The following NAALADL2 variants were observed in gnomAD, a reference collection of about 807,000 sequenced individuals.
The protein encoded by NAALADL2 is N-acetylated alpha-linked acidic dipeptidase like 2.
Under a neutral mutation model 87.2 loss-of-function variants are expected in NAALADL2, and 76 were observed. The observed-to-expected ratio is 0.87, with a 90% CI of 0.72 to 1.05. The LOEUF is 1.05. Ranked by LOEUF, NAALADL2 falls within the 50% of genes least tolerant of loss-of-function variation. The pLI is 0.00. For missense variants in NAALADL2, 1,089 were observed against 945.8 expected (o/e 1.15, Z -1.99); for synonymous variants, 354 against 331.0 (o/e 1.07, Z -0.75).
chr3:174,609,983 A>G lies in NAALADL2; in HGVS notation c.-115+59346A>G, dbSNP rs955977059. Among the ~76,000 whole-genome samples the G allele has an allele frequency of 2.0e-5, 3 of 152,174 alleles. No individual in the cohort carries two copies. The East Asian group carries it at 5.8e-4, about 29-fold the overall frequency. ...AAAGAGAGATATAGATCAATGGAACAGAACAGAGCCCTCAGAAATAATGCC... is the reference window on the plus strand; with the variant it reads ...AAAGAGAGATATAGATCAATGGAACGGAACAGAGCCCTCAGAAATAATGCC... On this transcript the variant is annotated intron_variant, in intron 2 of 3. Transcript: ENST00000434257.
intron 2 of NAALADL2, among the ~76,000 whole-genome samples, chr3:175,217,177 T>C (rs1046205130): frequency 6.6e-6 from 1 of 152,210 alleles, no homozygotes; most frequent in Non-Finnish European, 1.5e-5. Flanking sequence ...TTTTTGGTTA[T>C]GTATGCAATG....
At chr3:175,356,764 G>A (rs946418190) in intron 5 of NAALADL2, among the ~76,000 whole-genome samples, 2 of 152,014 alleles carry the variant, frequency 1.3e-5, no homozygotes, top group Non-Finnish European at 2.9e-5. Flanking sequence ...ACATGAGAAA[G>A]AATTTGAAGC....
chr3:174,721,258 G>A (rs181919165), intron 2 of NAALADL2, among the ~76,000 whole-genome samples: 14 of 152,186 alleles, frequency 9.2e-5, no homozygotes, highest in African/African-American at 1.4e-4. Flanking sequence ...ATTTTTAAGA[G>A]GTGATAAAAA....
At chr3:174,499,763 C>A (rs1442785258) in intron 1 of NAALADL2, among the ~76,000 whole-genome samples, 1 of 151,882 alleles carries the variant, frequency 6.6e-6, no homozygotes, top group Non-Finnish European at 1.5e-5. Context: ...TGGAATCTCT[C>A]TTTTGTTACA....
chr3:175,743,406 G>C (rs1015597205), intron 12 of NAALADL2, among the ~76,000 whole-genome samples: 8 of 152,200 alleles, frequency 5.3e-5, no homozygotes, highest in Non-Finnish European at 1.0e-4. Context: ...CATATTTTGG[G>C]ATAGGGTGTC....
chr3:174,701,554 G>A (rs963631032), intron 2 of NAALADL2, among the ~76,000 whole-genome samples: 2 of 152,106 alleles, frequency 1.3e-5, no homozygotes, highest in Admixed American at 6.6e-5. Flanking sequence ...AATGTAATGA[G>A]ATATTCATTA....
intron 5 of NAALADL2, among the ~76,000 whole-genome samples, chr3:175,391,324 T>G (rs1424673915): frequency 6.6e-6 from 1 of 152,190 alleles, no homozygotes; most frequent in Admixed American, 6.5e-5. Flanking sequence ...TCCTTTCTAA[T>G]TAGAATACAT....
chr3:175,138,608 T>C (rs993809065), intron 2 of NAALADL2, among the ~76,000 whole-genome samples: 9 of 147,686 alleles, frequency 6.1e-5, no homozygotes, highest in Admixed American at 4.7e-4. Context: ...AGAGTATTTA[T>C]TATTATTATT....
At chr3:174,957,614 T>G (rs2108539378) in intron 1 of NAALADL2, among the ~76,000 whole-genome samples, 1 of 152,098 alleles carries the variant, frequency 6.6e-6, no homozygotes, top group East Asian at 1.9e-4. Context: ...TTTTTTTTTT[T>G]GTAGTTGTTG....
intron 1 of NAALADL2, among the ~76,000 whole-genome samples, chr3:175,073,409 A>G (rs11916713): frequency 0.15 from 22,214 of 151,872 alleles, 2,037 homozygotes; most frequent in African/African-American, 0.25. Flanking sequence ...TTTCTCTTCT[A>G]AATCATCATC....
intron 3 of NAALADL2, among the ~76,000 whole-genome samples, chr3:174,804,860 T>C (rs1719275619): frequency 6.6e-6 from 1 of 152,182 alleles, no homozygotes; most frequent in South Asian, 2.1e-4. Context: ...TATTTATTAG[T>C]AAAATTAAAC....
At chr3:175,733,665 A>T (rs1744097602) in intron 11 of NAALADL2, among the ~76,000 whole-genome samples, 1 of 152,194 alleles carries the variant, frequency 6.6e-6, no homozygotes, top group Non-Finnish European at 1.5e-5. Context: ...CATTAACTCA[A>T]AAGTCCACAG....
At chr3:175,156,043 C>T (rs1732267187) in intron 2 of NAALADL2, among the ~76,000 whole-genome samples, 1 of 152,120 alleles carries the variant, frequency 6.6e-6, no homozygotes, top group African/African-American at 2.4e-5. Flanking sequence ...TTTAATGTCT[C>T]TTTGAAGGTG....
intron 2 of NAALADL2, among the ~76,000 whole-genome samples, chr3:175,215,089 TA>T (rs976130392): frequency 2.0e-5 from 3 of 152,142 alleles, no homozygotes; most frequent in Admixed American, 6.6e-5. Flanking sequence ...CTACAAGTAG[TA>T]AAATCACCAT....
intron 1 of NAALADL2, among the ~76,000 whole-genome samples, chr3:174,955,841 G>C (rs905863574): frequency 6.6e-6 from 1 of 151,984 alleles, no homozygotes; most frequent in African/African-American, 2.4e-5. Context: ...GCTGGGGTGG[G>C]GCCCCTGAAT....
At chr3:175,646,305 A>C (rs1729992384) in intron 11 of NAALADL2, among the ~76,000 whole-genome samples, 2 of 151,998 alleles carry the variant, frequency 1.3e-5, no homozygotes, top group African/African-American at 4.8e-5. Context: ...CAATAAGAAC[A>C]TGTTCCTACA....
At chr3:175,726,262 CAAA>C (rs58311186) in intron 11 of NAALADL2, among the ~76,000 whole-genome samples, 7 of 131,328 alleles carry the variant, frequency 5.3e-5, no homozygotes, top group African/African-American at 5.4e-5. Context: ...TACATTTGAC[CAAA>C]AAAAAAAAAA....
intron 1 of NAALADL2, among the ~76,000 whole-genome samples, chr3:175,020,164 C>A (rs1284625032): frequency 6.6e-6 from 1 of 151,934 alleles, no homozygotes; most frequent in African/African-American, 2.4e-5. Flanking sequence ...AGACACTAAT[C>A]CTACCAGATT....
intron 1 of NAALADL2, among the ~76,000 whole-genome samples, chr3:174,917,510 T>C (rs1373251672): frequency 2.6e-5 from 4 of 152,122 alleles, no homozygotes; most frequent in Non-Finnish European, 5.9e-5. Flanking sequence ...AAATATCCTC[T>C]GGATTTCATT....
Sources: gnomAD v4.1 joint callset for allele counts (sites outside exome capture counted in the v4.1 genomes callset) on GRCh38, gnomAD v4.1.1 for gene constraint, MANE v1.5 for transcripts, NCBI Gene and HGNC (gene_info 2026-07-23, HGNC 2026-07-21) for gene names.